The following NKAIN2 variants were observed in gnomAD, a reference collection of about 807,000 sequenced individuals.
The protein encoded by NKAIN2 is sodium/potassium transporting ATPase interacting 2.
A neutral mutation model predicts 32.6 loss-of-function variants in NKAIN2; 14 were observed. That is an observed-to-expected ratio of 0.43 (90% CI 0.28 to 0.67). The LOEUF is 0.67. Among genes scored for constraint, NKAIN2 ranks in the 30% least tolerant of loss-of-function variants. The probability of loss-of-function intolerance (pLI) is 0.17; values close to 1 mark genes in which losing one functional copy is unlikely to be tolerated. For synonymous variants in NKAIN2, 80 were observed against 87.2 expected (o/e 0.92, Z 0.46); for missense variants, 198 against 258.3 (o/e 0.77, Z 1.60).
intron 3 of NKAIN2, among the ~76,000 whole-genome samples, chr6:124,517,294 ATT>A (rs1778950611): frequency 6.6e-6 from 1 of 152,182 alleles, no homozygotes. Flanking sequence ...AGGGAGCAAT[ATT>A]ATAAAACCAT....
At chr6:124,597,386 A>G (rs1249876627) in intron 3 of NKAIN2, among the ~76,000 whole-genome samples, 1 of 151,316 alleles carries the variant, frequency 6.6e-6, no homozygotes, top group Non-Finnish European at 1.5e-5. Context: ...ATATACTAAT[A>G]TAAAGTATTA....
chr6:124,382,757 G>T (rs990803), intron 3 of NKAIN2, among the ~76,000 whole-genome samples: 3 of 152,134 alleles, frequency 2.0e-5, no homozygotes, highest in East Asian at 1.9e-4. Flanking sequence ...TTTTGTTACA[G>T]GTTTCAGACT....
chr6:124,446,041 G>T (rs1775878815), intron 3 of NKAIN2, among the ~76,000 whole-genome samples: 1 of 152,056 alleles, frequency 6.6e-6, no homozygotes, highest in Admixed American at 6.6e-5. Context: ...TTACTTATTT[G>T]CAGAACAACG....
chr6:124,764,581 T>C (rs1778426287), intron 4 of NKAIN2, among the ~76,000 whole-genome samples: 1 of 152,148 alleles, frequency 6.6e-6, no homozygotes. Context: ...GTCTATAGTA[T>C]TACTCCAGTC....
At chr6:124,377,510 A>G (rs1383528599) in intron 3 of NKAIN2, among the ~76,000 whole-genome samples, 5 of 152,230 alleles carry the variant, frequency 3.3e-5, no homozygotes, top group Non-Finnish European at 5.9e-5. Context: ...CCAAGAAGCA[A>G]TATTTCAAAT....
intron 3 of NKAIN2, among the ~76,000 whole-genome samples, chr6:124,427,423 G>T (rs1459843317): frequency 1.3e-5 from 2 of 152,078 alleles, no homozygotes; most frequent in East Asian, 3.9e-4. Context: ...TTTCATACTT[G>T]TATGCATAAG....
At chr6:124,179,957 G>GA (rs1214236795) in intron 1 of NKAIN2, among the ~76,000 whole-genome samples, 4 of 151,758 alleles carry the variant, frequency 2.6e-5, no homozygotes, top group African/African-American at 9.7e-5. Context: ...AGAGGAGCAA[G>GA]AGATTTAGAT....
chr6:123,839,546 T>C (rs1162662795), intron 1 of NKAIN2, among the ~76,000 whole-genome samples: 2 of 152,132 alleles, frequency 1.3e-5, no homozygotes, highest in Non-Finnish European at 2.9e-5. Flanking sequence ...TCTTAGAGAG[T>C]TTGTAGTTCC....
intron 1 of NKAIN2, among the ~76,000 whole-genome samples, chr6:123,892,753 T>C (rs957538316): frequency 6.6e-6 from 1 of 151,734 alleles, no homozygotes; most frequent in Non-Finnish European, 1.5e-5. Flanking sequence ...ATGCATACTT[T>C]GTGGGAAGTG....
chr6:124,456,810 G>A (rs150680260), intron 3 of NKAIN2, among the ~76,000 whole-genome samples: 140 of 151,736 alleles, frequency 9.2e-4, no homozygotes, highest in African/African-American at 3.3e-3. Flanking sequence ...AAAACTTGTG[G>A]TATGTTATAC....
intron 3 of NKAIN2, among the ~76,000 whole-genome samples, chr6:124,373,082 TC>T (rs200766670): frequency 0.013 from 1,986 of 152,244 alleles, 45 homozygotes; most frequent in African/African-American, 0.045. Context: ...TTTGCATTAG[TC>T]TAAGTTAGAG....
intron 1 of NKAIN2, among the ~76,000 whole-genome samples, chr6:124,132,250 T>A (rs1405415537): frequency 2.6e-5 from 4 of 152,144 alleles, no homozygotes; most frequent in Non-Finnish European, 5.9e-5. Context: ...CCACAGTGGC[T>A]ACAACAAGCT....
intron 4 of NKAIN2, among the ~76,000 whole-genome samples, chr6:124,662,011 A>C (rs1379191416): frequency 6.6e-6 from 1 of 152,182 alleles, no homozygotes; most frequent in Non-Finnish European, 1.5e-5. Context: ...TCTTCCTAAG[A>C]TATTTTAGCT....
At chr6:124,797,007 G>T (rs1426957577) in intron 5 of NKAIN2, among the ~76,000 whole-genome samples, 1 of 151,806 alleles carries the variant, frequency 6.6e-6, no homozygotes, top group Non-Finnish European at 1.5e-5. Flanking sequence ...TATAAATGTG[G>T]CTCTTCTGTC....
At position 124,672,784 on chromosome 6, in the gene NKAIN2, TAA is replaced by T. The variant is rs1773168882; in HGVS notation, c.474+14401_474+14402del. Reference sequence around the variant, plus strand: ...CATCTCAGATTATTGAAACCCTATGTAAAAGATACAGAGACAAAGGTTAGGCA... The same window carrying T: ...CATCTCAGATTATTGAAACCCTATGTAAGATACAGAGACAAAGGTTAGGCA... On this transcript the variant is annotated intron_variant, in intron 4 of 6. Transcript: ENST00000368417. Among the ~76,000 whole-genome samples the T allele has an allele frequency of 4.6e-5, 7 of 152,176 alleles. No homozygotes were observed. The South Asian group carries it at 1.5e-3, about 32-fold the overall frequency.
intron 1 of NKAIN2, among the ~76,000 whole-genome samples, chr6:124,229,741 C>G (rs1352595519): frequency 6.6e-6 from 1 of 151,950 alleles, no homozygotes; most frequent in African/African-American, 2.4e-5. Context: ...TGCACAGGCT[C>G]TCTTTTTGCC....
chr6:124,403,807 G>T (rs1294267314), intron 3 of NKAIN2, among the ~76,000 whole-genome samples: 2 of 152,116 alleles, frequency 1.3e-5, no homozygotes, highest in African/African-American at 4.8e-5. Flanking sequence ...TGTATAGTAT[G>T]CTGTTAAACA....
chr6:124,431,428 T>C (rs969838504), intron 3 of NKAIN2, among the ~76,000 whole-genome samples: 14 of 152,184 alleles, frequency 9.2e-5, no homozygotes, highest in Non-Finnish European at 1.9e-4. Flanking sequence ...TTTAAAATAA[T>C]TACCACCATT....
At chr6:124,475,134 G>A (rs1183149941) in intron 3 of NKAIN2, among the ~76,000 whole-genome samples, 1 of 151,840 alleles carries the variant, frequency 6.6e-6, no homozygotes, top group Non-Finnish European at 1.5e-5. Flanking sequence ...CAAGCCATAA[G>A]AGGGCAACTG....
Sources: allele counts gnomAD v4.1 joint callset (sites outside exome capture counted in the v4.1 genomes callset), GRCh38; gene constraint gnomAD v4.1.1; transcripts MANE v1.5; gene names NCBI Gene and HGNC (gene_info 2026-07-23, HGNC 2026-07-21).